GPHN: variants seen among roughly 807,000 people sequenced by gnomAD.
GPHN encodes gephyrin.
GPHN carries 17 observed loss-of-function variants against 95.5 expected under a neutral mutation model. The ratio of observed to expected loss-of-function variants is 0.18; its 90% CI spans 0.12 to 0.27. The LOEUF is 0.27. Among genes scored for constraint, GPHN ranks in the 10% least tolerant of loss-of-function variants. GPHN has a pLI of 1.00. For synonymous variants in GPHN, 320 were observed against 322.5 expected (o/e 0.99, Z 0.08); for missense variants, 660 against 978.1 (o/e 0.67, Z 4.34).
At chr14:66,684,025 A>G (rs183324398) in intron 2 of GPHN, among the ~76,000 whole-genome samples, 2 of 151,918 alleles carry the variant, frequency 1.3e-5, no homozygotes, top group East Asian at 1.9e-4. Flanking sequence ...TTTGATAACT[A>G]CTCCAGACTA....
At chr14:66,850,587 C>T (rs2062539055) in intron 4 of GPHN, among the ~76,000 whole-genome samples, 1 of 152,064 alleles carries the variant, frequency 6.6e-6, no homozygotes, top group South Asian at 2.1e-4. Flanking sequence ...ATTTGCAATG[C>T]CTGGTGACAT....
chr14:67,647,696 C>G, the GPHN span: 38 of 183,362 alleles, frequency 2.1e-4, no homozygotes, highest in African/African-American at 8.0e-4. Flanking sequence ...ATTAAATTGT[C>G]TCTAGATGAG....
At chr14:67,083,114 G>T (rs1447009142) in intron 11 of GPHN, among the ~76,000 whole-genome samples, 2 of 152,058 alleles carry the variant, frequency 1.3e-5, no homozygotes, top group Admixed American at 1.3e-4. Flanking sequence ...AGACACAAAG[G>T]AAATAAAAAT....
intron 1 of GPHN, among the ~76,000 whole-genome samples, chr14:66,660,348 C>T (rs921380876): frequency 6.6e-6 from 1 of 152,104 alleles, no homozygotes; most frequent in African/African-American, 2.4e-5. Flanking sequence ...AACATAAAAG[C>T]CCAAGATGAG....
Position 66,922,731 on chromosome 14 carries a change from A to G in GPHN, c.522A>G (p.Val174=), listed in dbSNP as rs2066286810. The G allele has an allele frequency of 1.2e-6, 2 of 1,613,658 alleles. No homozygotes were observed. The highest frequency in any genetic ancestry group is 1.1e-5 in the South Asian group (1 of 91,060). Residue 174 remains valine (V), a synonymous_variant, in exon 7 of 23, where the codon GTA becomes GTG. Coordinates refer to ENST00000478722, the MANE Select transcript of GPHN (RefSeq NM_020806.5). The part of the protein sequence containing the change: ...HAIDLLRDAI[V]KVKEVHDELE... ...TTGACCTTTTACGTGATGCCATTGT[A>G]AAAGTAAAGGAGGTGCATGATGAAC...
intron 1 of GPHN, among the ~76,000 whole-genome samples, chr14:66,551,979 T>C (rs2059829266): frequency 6.6e-6 from 1 of 152,154 alleles, no homozygotes; most frequent in African/African-American, 2.4e-5. Flanking sequence ...CACCCCTTCA[T>C]GCCCCAAAGA....
chr14:67,555,007 G>T, the GPHN span, among the ~76,000 whole-genome samples: 5 of 152,104 alleles, frequency 3.3e-5, no homozygotes, highest in Non-Finnish European at 7.4e-5. Context: ...CAACCTCCCA[G>T]GCTCAAGTGA....
intron 4 of GPHN, among the ~76,000 whole-genome samples, chr14:66,825,979 GTTA>G (rs1260588990): frequency 1.3e-5 from 2 of 152,160 alleles, no homozygotes; most frequent in Non-Finnish European, 2.9e-5. Flanking sequence ...GACTACTTAT[GTTA>G]AGATATGGAT....
the GPHN span, among the ~76,000 whole-genome samples, chr14:67,296,892 C>G: frequency 6.6e-6 from 1 of 152,106 alleles, no homozygotes; most frequent in African/African-American, 2.4e-5. Context: ...TGGGCTCAAA[C>G]AATCCTTCCA....
Position 66,833,277 on chromosome 14 carries a change from C to G in GPHN, c.294+8711C>G, listed in dbSNP as rs140590724. ...GGCAGCAAGTAGAAGTACAGAGCAA[C>G]AGGGGGAAAAGCCCCTTATAAAAAC... On this transcript the variant is annotated intron_variant, in intron 4 of 22. Transcript: ENST00000478722. Among the ~76,000 whole-genome samples the G allele has an allele frequency of 7.2e-4, 110 of 152,234 alleles. No homozygotes were observed. In the East Asian group the frequency reaches 0.018, roughly 25 times the overall value.
At chr14:66,600,190 A>G (rs965953524) in intron 1 of GPHN, among the ~76,000 whole-genome samples, 1 of 152,022 alleles carries the variant, frequency 6.6e-6, no homozygotes, top group African/African-American at 2.4e-5. Context: ...TTTGGGGCCA[A>G]TGTTATATAT....
intron 2 of GPHN, among the ~76,000 whole-genome samples, chr14:66,770,062 G>T (rs1171122181): frequency 6.6e-6 from 1 of 152,112 alleles, no homozygotes; most frequent in East Asian, 1.9e-4. Flanking sequence ...GTTTTGATTT[G>T]CATCTCTCTA....
At chr14:67,723,573 A>G in the GPHN span, among the ~76,000 whole-genome samples, 25 of 152,202 alleles carry the variant, frequency 1.6e-4, no homozygotes, top group Non-Finnish European at 2.8e-4. Flanking sequence ...AAATGGACCT[A>G]CCAAGGACAG....
At chr14:66,886,980 G>A (rs1248528240) in intron 5 of GPHN, among the ~76,000 whole-genome samples, 1 of 152,132 alleles carries the variant, frequency 6.6e-6, no homozygotes, top group East Asian at 1.9e-4. Flanking sequence ...TGGAACCTAA[G>A]GGATCTCTGG....
chr14:66,998,888 A>AATAT (rs112443150), intron 9 of GPHN, among the ~76,000 whole-genome samples: 16 of 142,918 alleles, frequency 1.1e-4, no homozygotes, highest in African/African-American at 2.9e-4. Context: ...AAAAAAAAAA[A>AATAT]ATATATATAT....
chr14:67,652,410 C>T, the GPHN span: 9 of 183,284 alleles, frequency 4.9e-5, no homozygotes, highest in East Asian at 7.4e-4. Flanking sequence ...CCAGCTGATG[C>T]ATGGCATATG....
intron 9 of GPHN, among the ~76,000 whole-genome samples, chr14:66,997,829 AG>A (rs2071923274): frequency 1.3e-5 from 2 of 152,214 alleles, no homozygotes; most frequent in Admixed American, 1.3e-4. Context: ...AGCAAAGAAA[AG>A]AAAGCCAAAT....
the GPHN span, among the ~76,000 whole-genome samples, chr14:67,327,290 G>A: frequency 6.6e-6 from 1 of 152,092 alleles, no homozygotes. Context: ...GAGTAGAATT[G>A]CCGGATCAAG....
the GPHN span, chr14:67,650,524 C>G: frequency 1.7e-6 from 1 of 604,918 alleles, no homozygotes; most frequent in Non-Finnish European, 2.9e-6. Flanking sequence ...TCTACTATAG[C>G]ACAACAGTGT....
Sources: allele counts gnomAD v4.1 joint callset (sites outside exome capture counted in the v4.1 genomes callset), GRCh38; gene constraint gnomAD v4.1.1; transcripts MANE v1.5; gene names NCBI Gene and HGNC (gene_info 2026-07-23, HGNC 2026-07-21).